UNC13C: variants seen among roughly 807,000 people sequenced by gnomAD.
UNC13C encodes the protein unc-13 homolog C, also known as protein unc-13 homolog C.
A neutral mutation model predicts 245.4 loss-of-function variants in UNC13C; 174 were observed. The observed-to-expected ratio is 0.71, with a 90% CI of 0.63 to 0.80. UNC13C has a LOEUF of 0.80. Among genes scored for constraint, UNC13C ranks in the 30% least tolerant of loss-of-function variants. The pLI is 0.00. For missense variants in UNC13C, 2,829 were observed against 2,602.9 expected, an observed-to-expected ratio of 1.09 and a Z score of -1.89; for synonymous variants, 992 against 895.1, an observed-to-expected ratio of 1.11 and a Z score of -1.93.
chr15:54,567,697 G>A, intron 29 of UNC13C, 103 bp from the exon 30 acceptor site: 1 of 1,124,008 alleles, frequency 8.9e-7, no homozygotes. Context: ...ATCTTGCATT[G>A]ATCAAATTGT....
chr15:54,310,897 G>A (rs954944060), intron 13 of UNC13C, among the ~76,000 whole-genome samples: 2 of 151,508 alleles, frequency 1.3e-5, no homozygotes, highest in Non-Finnish European at 3.0e-5. Flanking sequence ...AGATTTGTCT[G>A]TTTTTCTTTT....
the UNC13C span, among the ~76,000 whole-genome samples, chr15:53,846,655 AT>A: frequency 2.0e-5 from 3 of 152,140 alleles, no homozygotes; most frequent in East Asian, 5.8e-4. Flanking sequence ...GCTTTAAGAC[AT>A]TTTTAGGTAG....
chr15:54,139,508 A>C (rs552657017), intron 2 of UNC13C, among the ~76,000 whole-genome samples: 1 of 152,310 alleles, frequency 6.6e-6, no homozygotes, highest in Admixed American at 6.5e-5. Context: ...CAGTGTATTG[A>C]TAGACATGTT....
In UNC13C at chr15:54,505,519, G is replaced by A. The variant is rs1357638079; in HGVS notation, c.5302-1598G>A. 5.9e-5 allele frequency among the ~76,000 whole-genome samples: 9 copies of A among 152,100 alleles called. No individual in the cohort carries two copies. In the South Asian group the frequency reaches 6.2e-4, roughly 11 times the overall value. On this transcript the variant is annotated intron_variant, in intron 22 of 32. Coordinates refer to ENST00000260323, the MANE Select transcript of UNC13C (RefSeq NM_001080534.3). ...GGTGCTGATTCCAGAACTACATTCC[G>A]AGAAACAATGAGTTAAGCATGTCAT... is the stretch of plus-strand genomic sequence containing the variant.
At chr15:53,858,689 G>A in the UNC13C span, among the ~76,000 whole-genome samples, 1 of 152,042 alleles carries the variant, frequency 6.6e-6, no homozygotes, top group East Asian at 1.9e-4. Flanking sequence ...AAAGTGCTGG[G>A]ATTACAGGCA....
At chr15:54,547,672 T>C (rs1203197776) in intron 27 of UNC13C, among the ~76,000 whole-genome samples, 1 of 152,148 alleles carries the variant, frequency 6.6e-6, no homozygotes. Flanking sequence ...TATGCCTGTG[T>C]TTTTGTTGAT....
Position 54,015,861 on chromosome 15 carries a change from G to A in UNC13C, c.2958G>A (p.Glu986=), listed in dbSNP as rs760749516. 1.3e-6 allele frequency: 2 copies of A among 1,596,320 alleles called. No individual in the cohort carries two copies. Among genetic ancestry groups the A allele is most frequent in the Non-Finnish European group, 1.7e-6 (2 of 1,172,856 alleles). The change falls in exon 2 of 33, where the codon GAG becomes GAA. Residue 986 remains glutamate (E), a synonymous_variant. Coordinates refer to ENST00000260323, the MANE Select transcript of UNC13C (RefSeq NM_001080534.3). The part of the protein sequence containing the change: ...ALRAYKKQMA[E]LEEKILAGDS... ...GGGCCTATAAAAAGCAAATGGCAGA[G>A]TTGGAAGAGAAGATCTTGGCTGGAG...
At chr15:54,418,420 AG>A (rs1025216829) in intron 19 of UNC13C, among the ~76,000 whole-genome samples, 2 of 152,148 alleles carry the variant, frequency 1.3e-5, no homozygotes, top group African/African-American at 4.8e-5. Context: ...GTTGAGAAGC[AG>A]GGCAAGACCA....
chr15:54,429,509 A>G (rs1043337837), intron 19 of UNC13C, among the ~76,000 whole-genome samples: 2 of 151,774 alleles, frequency 1.3e-5, no homozygotes, highest in African/African-American at 4.8e-5. Context: ...TAGCCTTAAC[A>G]TATTAACTAT....
At chr15:54,252,783 G>T (rs191554606) in intron 8 of UNC13C, among the ~76,000 whole-genome samples, 1 of 152,116 alleles carries the variant, frequency 6.6e-6, no homozygotes, top group Non-Finnish European at 1.5e-5. Context: ...CCCTTTAAAT[G>T]TAAGACAGTT....
At chr15:54,123,870 A>C (rs1303901652) in intron 2 of UNC13C, among the ~76,000 whole-genome samples, 1 of 152,120 alleles carries the variant, frequency 6.6e-6, no homozygotes, top group Non-Finnish European at 1.5e-5. Context: ...AACCATTCAG[A>C]GCTCCTGGCA....
chr15:53,985,682 G>A (rs1566932096), intron 1 of UNC13C, among the ~76,000 whole-genome samples: 1 of 151,920 alleles, frequency 6.6e-6, no homozygotes, highest in Non-Finnish European at 1.5e-5. Flanking sequence ...TGAGAGTGGT[G>A]GAAGACGGAT....
At chr15:54,290,084 C>T (rs558347514) in intron 10 of UNC13C, among the ~76,000 whole-genome samples, 2 of 152,180 alleles carry the variant, frequency 1.3e-5, no homozygotes, top group African/African-American at 2.4e-5. Flanking sequence ...AACACCCTTA[C>T]GTAATCTTCA....
chr15:53,965,405 T>C, the UNC13C span, among the ~76,000 whole-genome samples: 1 of 152,100 alleles, frequency 6.6e-6, no homozygotes, highest in South Asian at 2.1e-4. Context: ...AATGATTCTC[T>C]AATACTGAAT....
chr15:54,284,644 C>T (rs190090923), intron 10 of UNC13C, among the ~76,000 whole-genome samples: 12 of 152,176 alleles, frequency 7.9e-5, no homozygotes, highest in African/African-American at 2.6e-4. Flanking sequence ...CACACACACA[C>T]ACTTCTAATT....
At chr15:54,286,362 T>C (rs2037149569) in intron 10 of UNC13C, among the ~76,000 whole-genome samples, 1 of 152,162 alleles carries the variant, frequency 6.6e-6, no homozygotes, top group Non-Finnish European at 1.5e-5. Context: ...CAGTGTGAAG[T>C]ATATTTTAGT....
intron 4 of UNC13C, among the ~76,000 whole-genome samples, chr15:54,164,334 T>A (rs60894026): frequency 0.024 from 3,725 of 152,318 alleles, 155 homozygotes; most frequent in African/African-American, 0.08. Flanking sequence ...TATGTAGACA[T>A]AAAATTTGGC....
At chr15:54,585,013 C>G (rs758729614) in intron 30 of UNC13C, among the ~76,000 whole-genome samples, 2 of 152,194 alleles carry the variant, frequency 1.3e-5, no homozygotes, top group South Asian at 2.1e-4. Context: ...ACTTTTGATT[C>G]CCCATCACCA....
chr15:54,604,950 A>T (rs956489166), intron 30 of UNC13C, among the ~76,000 whole-genome samples: 18 of 151,084 alleles, frequency 1.2e-4, no homozygotes, highest in Non-Finnish European at 2.5e-4. Flanking sequence ...CCTGCAACTT[A>T]AAAAATAAAG....
Sources: gnomAD v4.1 joint callset for allele counts (sites outside exome capture counted in the v4.1 genomes callset) on GRCh38, gnomAD v4.1.1 for gene constraint, MANE v1.5 for transcripts, NCBI Gene and HGNC (gene_info 2026-07-23, HGNC 2026-07-21) for gene names.